Variants in VKORC1L1 observed in about 807,000 individuals in gnomAD.
The protein encoded by VKORC1L1 is vitamin K epoxide reductase complex subunit 1-like protein 1.
VKORC1L1 carries 2 observed loss-of-function variants against 18.9 expected under a neutral mutation model. The ratio of observed to expected loss-of-function variants is 0.11; its 90% CI spans 0.04 to 0.33. The LOEUF (loss-of-function observed/expected upper bound fraction) is 0.33, where lower values mean the gene tolerates loss of function less well. Among genes scored for constraint, VKORC1L1 ranks in the 10% least tolerant of loss-of-function variants. The probability of loss-of-function intolerance (pLI) is 1.00; values close to 1 mark genes in which losing one functional copy is unlikely to be tolerated. For synonymous variants in VKORC1L1, 96 were observed against 100.0 expected (o/e 0.96, Z 0.24); for missense variants, 123 against 224.1 (o/e 0.55, Z 2.88).
At chr7:65,929,028 A>G (rs1408641537) in intron 1 of VKORC1L1, among the ~76,000 whole-genome samples, 1 of 152,220 alleles carries the variant, frequency 6.6e-6, no homozygotes, top group Admixed American at 6.5e-5. Flanking sequence ...TGCCATCTAT[A>G]TATATTTGGT....
chr7:65,930,572 A>G (rs1789841438), intron 1 of VKORC1L1, among the ~76,000 whole-genome samples: 1 of 152,190 alleles, frequency 6.6e-6, no homozygotes, highest in African/African-American at 2.4e-5. Context: ...GGCTGCAGAA[A>G]TTGTGGGTCA....
At chr7:65,930,030 T>C (rs1424887511) in intron 1 of VKORC1L1, among the ~76,000 whole-genome samples, 2 of 152,194 alleles carry the variant, frequency 1.3e-5, no homozygotes, top group East Asian at 1.9e-4. Context: ...TATTTGTCTG[T>C]GTGTGCTATT....
intron 1 of VKORC1L1, among the ~76,000 whole-genome samples, chr7:65,883,999 G>A (rs1033925233): frequency 1.3e-5 from 2 of 152,178 alleles, no homozygotes; most frequent in Non-Finnish European, 2.9e-5. Context: ...AAGTAAAGTA[G>A]TAGAAAATCT....
intron 1 of VKORC1L1, among the ~76,000 whole-genome samples, chr7:65,926,031 T>TTAATTATTCACCTATGGTAACATCTG (rs540219265): frequency 0.012 from 1,878 of 151,972 alleles, 42 homozygotes; most frequent in East Asian, 0.083. Context: ...TTAACTCTGC[T>TTAATTATTCACCTATGGTAACATCTG]TAATTATTCA....
chr7:65,927,039 C>T (rs552020423), intron 1 of VKORC1L1, among the ~76,000 whole-genome samples: 1 of 152,210 alleles, frequency 6.6e-6, no homozygotes, highest in African/African-American at 2.4e-5. Context: ...GTAATCCTTG[C>T]ACCTTGGGGG....
At chr7:65,884,807 C>T (rs1788986108) in intron 1 of VKORC1L1, among the ~76,000 whole-genome samples, 1 of 151,920 alleles carries the variant, frequency 6.6e-6, no homozygotes, top group African/African-American at 2.4e-5. Context: ...TGCATTTTCC[C>T]CAAGCATCAG....
At chr7:65,906,144 T>C (rs549049323) in intron 1 of VKORC1L1, among the ~76,000 whole-genome samples, 1 of 151,644 alleles carries the variant, frequency 6.6e-6, no homozygotes, top group African/African-American at 2.4e-5. Context: ...TCAATAAATT[T>C]GTCAAAAAGG....
In VKORC1L1 at chr7:65,954,181, T is replaced by A. The variant is rs1490651632; in HGVS notation, c.412T>A (p.Phe138Ile). 3.1e-6 allele frequency: 5 copies of A among 1,613,852 alleles called. No individual in the cohort carries two copies. The highest frequency in any genetic ancestry group is 2.5e-6 in the Non-Finnish European group (3 of 1,179,988). ...AYILYFVLKE[F>I]CIICIVTYVL... is the part of the protein sequence containing the mutation. ...CATTCTGTACTTTGTGCTGAAGGAG[T>A]TCTGCATCATCTGCATCGTCACGTA... Residue 138 changes from phenylalanine to isoleucine, a missense_variant, in exon 3 of 3, where the codon TTC becomes ATC. Phe to Ile is a conservative substitution (Grantham distance 21). Coordinates refer to ENST00000360768, the MANE Select transcript of VKORC1L1 (RefSeq NM_173517.6).
At chr7:65,896,459 G>T (rs1322086745) in intron 1 of VKORC1L1, among the ~76,000 whole-genome samples, 1 of 152,032 alleles carries the variant, frequency 6.6e-6, no homozygotes, top group Non-Finnish European at 1.5e-5. Context: ...GGTATATATT[G>T]CCAGTTTTCC....
At chr7:65,883,409 C>T (rs973482197) in intron 1 of VKORC1L1, among the ~76,000 whole-genome samples, 2 of 151,996 alleles carry the variant, frequency 1.3e-5, no homozygotes, top group African/African-American at 4.8e-5. Context: ...CACTTGGCCT[C>T]CCAAAGTGCT....
In VKORC1L1 at chr7:65,943,420, A is replaced by G. The variant is rs577653924; in HGVS notation, c.195-5251A>G. Among the ~76,000 whole-genome samples, 6 of 152,270 alleles carry G rather than the reference A, an allele frequency of 3.9e-5. No homozygotes were observed. In the East Asian group the frequency reaches 1.2e-3, roughly 29 times the overall value. The stretch of plus-strand genomic sequence containing the variant: ...TATCTGATTTTTTTAAACTATATAT[A>G]ACTGTAATAACATTAAAAATAATGA... On this transcript the variant is annotated intron_variant, in intron 1 of 2. Coordinates refer to ENST00000360768, the MANE Select transcript of VKORC1L1 (RefSeq NM_173517.6).
chr7:65,881,633 C>A (rs1351422835), intron 1 of VKORC1L1, among the ~76,000 whole-genome samples: 1 of 152,136 alleles, frequency 6.6e-6, no homozygotes, highest in East Asian at 1.9e-4. Context: ...ACACATACTG[C>A]ATATAAATCC....
intron 1 of VKORC1L1, among the ~76,000 whole-genome samples, chr7:65,909,994 G>A (rs1194444944): frequency 6.6e-6 from 1 of 151,966 alleles, no homozygotes; most frequent in Non-Finnish European, 1.5e-5. Context: ...GGGATTACAG[G>A]CATGAACCAC....
chr7:65,942,165 A>C (rs1455011541), intron 1 of VKORC1L1, among the ~76,000 whole-genome samples: 1 of 152,160 alleles, frequency 6.6e-6, no homozygotes, highest in Non-Finnish European at 1.5e-5. Context: ...GAAAGCAATG[A>C]TATTTCTAGT....
intron 1 of VKORC1L1, among the ~76,000 whole-genome samples, chr7:65,900,366 G>GC (rs1386448722): frequency 6.6e-6 from 1 of 151,364 alleles, no homozygotes; most frequent in African/African-American, 2.4e-5. Context: ...CTGCACTCCA[G>GC]CCTGGGTGAC....
intron 1 of VKORC1L1, among the ~76,000 whole-genome samples, chr7:65,908,560 G>A (rs1343159373): frequency 2.0e-5 from 3 of 152,080 alleles, no homozygotes; most frequent in African/African-American, 4.8e-5. Flanking sequence ...AATCCAGGCC[G>A]GCCATGGTGG....
chr7:65,870,196 G>A (rs1307986630), upstream of VKORC1L1, among the ~76,000 whole-genome samples: 6 of 150,606 alleles, frequency 4.0e-5, no homozygotes, highest in Non-Finnish European at 8.9e-5. Flanking sequence ...AAAGCGGGTG[G>A]ATCACCTGAG....
At chr7:65,898,077 GTTTTTTTTTTT>G (rs71051319) in intron 1 of VKORC1L1, among the ~76,000 whole-genome samples, 48 of 83,002 alleles carry the variant, frequency 5.8e-4, no homozygotes, top group East Asian at 2.0e-3. Flanking sequence ...TTTGTAGCAG[GTTTTTTTTTTT>G]TTTTTTTTTT....
intron 1 of VKORC1L1, among the ~76,000 whole-genome samples, chr7:65,921,063 G>T (rs1168526644): frequency 1.5e-5 from 2 of 136,272 alleles, no homozygotes; most frequent in African/African-American, 5.0e-5. Context: ...CTTTTACTTT[G>T]GGGGGGGTTT....
Sources: gnomAD v4.1 joint callset for allele counts (sites outside exome capture counted in the v4.1 genomes callset) on GRCh38, gnomAD v4.1.1 for gene constraint, MANE v1.5 for transcripts, NCBI Gene and HGNC (gene_info 2026-07-23, HGNC 2026-07-21) for gene names.